The following ARFRP1 variants were observed in gnomAD, a reference collection of about 807,000 sequenced individuals.
ARFRP1 encodes the protein ADP-ribosylation factor-related protein 1.
Under a neutral mutation model 30.3 loss-of-function variants are expected in ARFRP1, and 19 were observed. That is an observed-to-expected ratio of 0.63 (90% confidence interval 0.44 to 0.92). The LOEUF (loss-of-function observed/expected upper bound fraction) is 0.92, where lower values mean the gene tolerates loss of function less well. Ranked by LOEUF, ARFRP1 falls within the 40% of genes least tolerant of loss-of-function variation. The pLI, the probability that ARFRP1 is intolerant of heterozygous loss-of-function variation, is 0.00. For synonymous variants in ARFRP1, 133 were observed against 114.2 expected (o/e 1.16, Z -1.05); for missense variants, 245 against 267.5 (o/e 0.92, Z 0.59).
intron 6 of ARFRP1, chr20:63,701,192 G>A (rs1231596960): frequency 1.9e-6 from 1 of 525,410 alleles, no homozygotes; most frequent in African/African-American, 1.9e-5. Flanking sequence ...CCCCGTACCA[G>A]ATGTCCCTCT....
At chr20:63,702,031 G>A in intron 5 of ARFRP1, 105 bp downstream of exon 5, 2 of 834,858 alleles carry the variant, frequency 2.4e-6, no homozygotes. Flanking sequence ...CTAGGCAGGA[G>A]CACTTCTGAC....
chr20:63,700,456 C>T lies in ARFRP1; in HGVS notation c.593G>A (p.Arg198Lys), dbSNP rs367676832. The T allele has an allele frequency of 2.5e-6, 4 of 1,609,100 alleles. No individual in the cohort carries two copies. The African/African-American group carries it at 5.3e-5, about 21-fold the overall frequency. The change falls in exon 8 of 8, where the codon AGG (arginine) becomes AAG (lysine). Residue 198 changes from arginine to lysine, a missense_variant. By Grantham distance (26) the Arg-to-Lys change is conservative. Transcript: ENST00000622789. ...GCGCGGCTGCGCCTACGTGATGTCC[C>T]TCTGCCGCGGCGGCCGGTGCACATT... ...VRNVHRPPRQRDIT is the reference protein window; with the variant it reads ...VRNVHRPPRQKDIT
chr20:63,707,141 C>T (rs777848469), intron 1 of ARFRP1, 44 bp from the exon 2 acceptor site: 129 of 1,526,594 alleles, frequency 8.5e-5, no homozygotes, highest in Non-Finnish European at 1.0e-4. Flanking sequence ...GAAAGCACCT[C>T]CCCTCCCCCG....
At chr20:63,706,088 G>A (rs2091447748) in intron 4 of ARFRP1, 1 of 428,052 alleles carries the variant, frequency 2.3e-6, no homozygotes, top group African/African-American at 2.0e-5. Context: ...TTGGCATTTA[G>A]TGATTCTTTC....
At position 63,701,243 on chromosome 20, in the gene ARFRP1, G is replaced by C. The variant is rs756618378; in HGVS notation, c.418-541C>G. On this transcript the variant is annotated intron_variant, in intron 6 of 7. Transcript: ENST00000622789. ...TAGGGGAGGCCAGCCTTACAGGCTG[G>C]GGGCAACAGAGCCACCCCAGAGAAG... 25 of 530,776 alleles carry C rather than the reference G, an allele frequency of 4.7e-5. No homozygotes were observed. In the Admixed American group the frequency reaches 4.9e-4, roughly 10 times the overall value. The allele number at this position is 530,776 out of a possible 1,614,324, so 32.9% of individuals were successfully genotyped here. A position where few individuals can be genotyped will look rare whatever the true frequency, so the allele number is the denominator to read the frequency against.
chr20:63,706,665 G>A lies in ARFRP1; in HGVS notation c.167C>T (p.Thr56Ile), dbSNP rs141232776. The A allele has an allele frequency of 6.2e-7, 1 of 1,612,754 alleles. No homozygotes were observed. Residue 56 changes from threonine to isoleucine, a missense_variant, in exon 3 of 8, where the codon ACC becomes ATC. Physicochemically the swap from Thr to Ile is moderately conservative, Grantham distance 89. Transcript: ENST00000622789. ...GAGACCCTTACTGTTTAGGCCCACG[G>A]TGGTGGTGATTTTGGATAGACTCAT... Reference protein sequence around the residue: ...KGMSLSKITTTVGLNIGTVDV... With the variant: ...KGMSLSKITTIVGLNIGTVDV...
In ARFRP1 at chr20:63,698,738, C is replaced by T. The variant is rs886604542; in HGVS notation, c.*1705G>A. ...GGCAGCCGGGGACACCTGAGCCGCC[C>T]GCTGTGCCCAGATCCCTCAGGCTGC... On this transcript the variant is annotated 3_prime_UTR_variant, in exon 8 of 8. Transcript: ENST00000622789. 5.6e-5 allele frequency: 41 copies of T among 737,280 alleles called. No individual in the cohort carries two copies. Among genetic ancestry groups the T allele is most frequent in the Middle Eastern group, 8.4e-4 (2 of 2,388 alleles). The allele number at this position is 737,280 out of a possible 1,614,324, so 45.7% of individuals were successfully genotyped here.
In ARFRP1 at chr20:63,706,224, G is replaced by A; in HGVS notation, c.264+133C>T. On this transcript the variant is annotated intron_variant, in intron 4 of 7. Transcript: ENST00000622789. ...AAACAGGGAGCCACTCGGGAACCTG[G>A]GACAGGACCAGAGAGAAAACCCGAG... The A allele has an allele frequency of 7.2e-6, 6 of 838,606 alleles. No individual in the cohort carries two copies. The Admixed American group carries it at 1.2e-4, about 17-fold the overall frequency. The allele number at this position is 838,606 out of a possible 1,614,324, so 51.9% of individuals were successfully genotyped here.
chr20:63,700,758 T>G, intron 6 of ARFRP1, 56 bp from the exon 7 acceptor site: 1 of 1,586,102 alleles, frequency 6.3e-7, no homozygotes, highest in Non-Finnish European at 8.6e-7. Context: ...GTCCTGCCTG[T>G]GGGCCCGGGA....
intron 5 of ARFRP1, 103 bp from the exon 6 acceptor site, chr20:63,702,003 C>CCA (rs2091233036): frequency 3.0e-6 from 2 of 669,522 alleles, no homozygotes; most frequent in South Asian, 2.1e-5. Flanking sequence ...CCTCTGCCCC[C>CCA]CCCCCCCCCG....
rs2091155830 is a variant in ARFRP1 at position 63,700,614 on chromosome 20, G to A, written c.506C>T (p.Ser169Leu). 3 of 1,610,578 alleles carry A rather than the reference G, an allele frequency of 1.9e-6. No individual in the cohort carries two copies. Among genetic ancestry groups the A allele is most frequent in the Middle Eastern group, 2.1e-4 (1 of 4,774 alleles). Residue 169 changes from serine (S) to leucine (L), a missense_variant, in exon 7 of 8, where the codon TCG becomes TTG. Ser to Leu is a moderately radical substitution (Grantham distance 145, BLOSUM62 -2). Transcript: ENST00000622789. ...AGCCCCCACTCACCCTGTGAGGGCC[G>A]AGCAGGCCTGGGTCAGGCAATCTCG... ...GRRDCLTQAC[S>L]ALTGKGVREG...
chr20:63,706,467 T>A (rs1402290644), intron 3 of ARFRP1, 28 bp from the exon 4 acceptor site: 14 of 1,608,060 alleles, frequency 8.7e-6, no homozygotes, highest in Non-Finnish European at 1.2e-5. Flanking sequence ...CAGGCAAGGC[T>A]CATGACCTTG....
chr20:63,707,172 T>A (rs958169644), intron 1 of ARFRP1, 75 bp from the exon 2 acceptor site: 3 of 1,337,444 alleles, frequency 2.2e-6, no homozygotes, highest in Non-Finnish European at 3.1e-6. Flanking sequence ...CGGTGGTCAG[T>A]GGCGCCCCAC....
intron 6 of ARFRP1, 198 bp from the exon 7 acceptor site, chr20:63,700,900 C>T: frequency 1.5e-6 from 1 of 681,762 alleles, no homozygotes; most frequent in Non-Finnish European, 2.4e-6. Context: ...CTGGTAGTGC[C>T]TGAGACAAAC....
Position 63,700,700 on chromosome 20 carries a change from C to G in ARFRP1, c.420G>C (p.Thr140=). 1 of 1,610,570 alleles carries G rather than the reference C, an allele frequency of 6.2e-7. No homozygotes were observed. The highest frequency in any genetic ancestry group is 1.1e-5 in the South Asian group (1 of 90,962). The change falls in exon 7 of 8, where the codon ACG becomes ACC. Residue 140 remains threonine (T), a splice_region_variant and synonymous_variant. Coordinates refer to ENST00000622789, the MANE Select transcript of ARFRP1 (RefSeq NM_001267547.3). ...LVLANKQDVE[T]CLSIPDIKTA... ...TCTTGATGTCAGGGATTGAGAGGCA[C>G]GTCTGGGGGAGGTAAGGCCGTGAGG... is the stretch of plus-strand genomic sequence containing the variant.
chr20:63,703,304 ACC>A (rs1451669932), intron 4 of ARFRP1: 2 of 152,160 alleles, frequency 1.3e-5, no homozygotes, highest in Non-Finnish European at 2.9e-5. Context: ...GTACCAGACA[ACC>A]CCATCCCAGT....
intron 1 of ARFRP1, chr20:63,707,389 C>T: frequency 3.2e-6 from 1 of 310,104 alleles, no homozygotes; most frequent in South Asian, 5.1e-5. Flanking sequence ...TGAGCTCAGC[C>T]GCGCTCCCGC....
rs2091124423 is a variant in ARFRP1 at position 63,700,140 on chromosome 20, C to T, written c.*303G>A. 4.7e-6 allele frequency: 2 copies of T among 421,068 alleles called. No individual in the cohort carries two copies. The highest frequency in any genetic ancestry group is 2.2e-5 in the South Asian group (1 of 46,464). 26.1% of individuals were successfully genotyped at this position (421,068 alleles called of 1,614,324 possible). ...CAAGCCAGCCTGAGCACTGGAGCCC[C>T]AATTCCCAACCAGGTCTCCCTCAGA... is the stretch of plus-strand genomic sequence containing the variant. On this transcript the variant is annotated 3_prime_UTR_variant, in exon 8 of 8. Transcript: ENST00000622789.
chr20:63,702,310 CAT>C (rs1601248565), intron 4 of ARFRP1, 93 bp from the exon 5 acceptor site: 1 of 1,262,396 alleles, frequency 7.9e-7, no homozygotes, highest in Non-Finnish European at 1.1e-6. Flanking sequence ...GAGGGGCTCA[CAT>C]GAGGAAGGGG....
Sources: gnomAD v4.1 joint callset for allele counts on GRCh38, gnomAD v4.1.1 for gene constraint, MANE v1.5 for transcripts, NCBI Gene and HGNC (gene_info 2026-07-23, HGNC 2026-07-21) for gene names.